Variants in CYP3A5 observed in about 807,000 individuals in gnomAD.
The protein encoded by CYP3A5 is cytochrome P450 family 3 subfamily A member 5.
Under a neutral mutation model 55.9 loss-of-function variants are expected in CYP3A5, and 51 were observed. That is an observed-to-expected ratio of 0.91 (90% CI 0.73 to 1.15). The LOEUF (loss-of-function observed/expected upper bound fraction) is 1.15. Among genes scored for constraint, CYP3A5 ranks in the 50% most tolerant of loss-of-function variants. The pLI is 0.00. For synonymous variants in CYP3A5, 196 were observed against 213.9 expected, an observed-to-expected ratio of 0.92 and a Z score of 0.73; for missense variants, 533 against 596.6, an observed-to-expected ratio of 0.89 and a Z score of 1.11.
chr7:99,663,885 T>A, intron 8 of CYP3A5, 83 bp downstream of exon 8: 1 of 1,465,442 alleles, frequency 6.8e-7, no homozygotes, highest in Non-Finnish European at 9.0e-7. Context: ...TTTTTAAAAA[T>A]ACAGATACAT....
At chr7:99,650,326 C>T in intron 11 of CYP3A5, 94 bp from the exon 12 acceptor site, 2 of 1,154,366 alleles carry the variant, frequency 1.7e-6, no homozygotes, top group Non-Finnish European at 2.5e-6. Context: ...CCCCCCTCCA[C>T]CTCCCAACCA....
intron 7 of CYP3A5, 84 bp downstream of exon 7, chr7:99,665,082 G>T: frequency 8.6e-7 from 1 of 1,169,496 alleles, no homozygotes; most frequent in Non-Finnish European, 1.2e-6. Context: ...TACCTTTTAA[G>T]TGGATGAATT....
intron 10 of CYP3A5, among the ~76,000 whole-genome samples, chr7:99,654,363 A>C (rs1809497632): frequency 6.6e-6 from 1 of 152,168 alleles, no homozygotes; most frequent in Admixed American, 6.5e-5. Flanking sequence ...TAGTTTGCTG[A>C]GAATGATGGT....
Position 99,664,262 on chromosome 7 carries a change from A to G in CYP3A5, c.671-167T>C, listed in dbSNP as rs372495697. Among the ~76,000 whole-genome samples, 8 of 152,254 alleles carry G rather than the reference A, an allele frequency of 5.3e-5. No individual in the cohort carries two copies. In the East Asian group the frequency reaches 1.2e-3, roughly 22 times the overall value. On this transcript the variant is annotated intron_variant, in intron 7 of 12. Coordinates refer to ENST00000222982, the MANE Select transcript of CYP3A5 (RefSeq NM_000777.5). ...CTTCTTTCAGGCCGGCGACTGAGCA[A>G]GGGCAGGTCTATACATAGGAAACAC...
chr7:99,648,469 T>C, intron 12 of CYP3A5, 69 bp from the exon 13 acceptor site: 1 of 1,259,742 alleles, frequency 7.9e-7, no homozygotes, highest in South Asian at 1.3e-5. Context: ...GGAAGCAAAG[T>C]AGAAAAAATA....
At chr7:99,666,459 T>C (rs1811029562) in intron 6 of CYP3A5, 142 bp downstream of exon 6, 3 of 869,320 alleles carry the variant, frequency 3.5e-6, no homozygotes, top group Non-Finnish European at 5.6e-6. Flanking sequence ...CCACTCCCTC[T>C]TAGGTGGCTC....
intron 11 of CYP3A5, chr7:99,652,337 G>T: frequency 2.6e-6 from 1 of 391,356 alleles, no homozygotes; most frequent in South Asian, 7.5e-5. Context: ...GGACATAATT[G>T]ATTATCTTTG....
chr7:99,667,368 A>C (rs1811140636), intron 4 of CYP3A5, among the ~76,000 whole-genome samples: 1 of 152,214 alleles, frequency 6.6e-6, no homozygotes, highest in East Asian at 1.9e-4. Context: ...AGTGGAATAG[A>C]CAGGAACAAG....
At chr7:99,652,458 G>A in intron 11 of CYP3A5, 95 bp downstream of exon 11, 1 of 745,264 alleles carries the variant, frequency 1.3e-6, no homozygotes, top group Non-Finnish European at 2.2e-6. Flanking sequence ...GCAAATGATT[G>A]TACAACCACA....
In CYP3A5 at chr7:99,674,584, C is replaced by T. The variant is rs367849047; in HGVS notation, c.167G>A (p.Gly56Asp). Residue 56 changes from glycine to aspartate, a missense_variant and splice_region_variant, in exon 3 of 13, where the codon GGT (glycine) becomes GAT (aspartate). Transcript: ENST00000222982. ...GCACTCTGTGTCAAATTTCCAGAGA[C>T]CCTGGGAGAGGAAACAAAATACAAG... ...LLGNVLSYRQGLWKFDTECYK... is the reference protein window; with the variant it reads ...LLGNVLSYRQDLWKFDTECYK... The T allele has an allele frequency of 1.2e-5, 20 of 1,612,856 alleles. No homozygotes were observed. In the African/African-American group the frequency reaches 2.5e-4, roughly 20 times the overall value.
At chr7:99,670,609 A>G (rs114796111) in intron 4 of CYP3A5, among the ~76,000 whole-genome samples, 93 of 152,320 alleles carry the variant, frequency 6.1e-4, no homozygotes, top group African/African-American at 2.2e-3. Flanking sequence ...CTGATGTTCA[A>G]CTTATAGAAA....
chr7:99,667,347 A>T (rs1278723735), intron 4 of CYP3A5, among the ~76,000 whole-genome samples: 1 of 152,144 alleles, frequency 6.6e-6, no homozygotes, highest in East Asian at 1.9e-4. Context: ...GTGGTAGGGA[A>T]CTGTTCTTCC....
intron 10 of CYP3A5, chr7:99,660,072 C>T (rs567918951): frequency 7.3e-6 from 3 of 413,112 alleles, no homozygotes; most frequent in Non-Finnish European, 9.8e-6. Flanking sequence ...ACCCACTGTC[C>T]TGCACCCACT....
intron 1 of CYP3A5, chr7:99,677,351 A>G (rs1812385644): frequency 1.7e-6 from 1 of 603,584 alleles, no homozygotes; most frequent in Non-Finnish European, 2.1e-6. Context: ...ATGTGGCTGA[A>G]AAAGATGATG....
chr7:99,654,409 A>T (rs1481921350), intron 10 of CYP3A5, among the ~76,000 whole-genome samples: 2 of 152,038 alleles, frequency 1.3e-5, no homozygotes, highest in Non-Finnish European at 2.9e-5. Context: ...AAGGACATGA[A>T]CTCATCATTT....
rs573372567 is a variant in CYP3A5 at position 99,672,042 on chromosome 7, T to TTTGTTGTTGTTGTTGTTG, written c.318+520_318+537dup. The stretch of plus-strand genomic sequence containing the variant: ...CAAAAGTTATTGCAGTTTGCCGGTT[T>TTTGTTGTTGTTGTTGTTG]TTGTTGTTGTTGTTGTTGTTGTTGT... On this transcript the variant is annotated intron_variant, in intron 4 of 12. Transcript: ENST00000222982. 3.9e-3 allele frequency among the ~76,000 whole-genome samples: 592 copies of TTTGTTGTTGTTGTTGTTG among 151,842 alleles called. 2 individuals are homozygous for TTTGTTGTTGTTGTTGTTG. Among genetic ancestry groups the TTTGTTGTTGTTGTTGTTG allele is most frequent in the African/African-American group, 0.014 (566 of 41,392 alleles).
intron 4 of CYP3A5, chr7:99,671,929 A>C (rs1001276904): frequency 1.4e-6 from 1 of 689,826 alleles, no homozygotes; most frequent in South Asian, 1.5e-5. Context: ...AAACACACAC[A>C]AACAAGGGCA....
chr7:99,652,873 A>G, intron 10 of CYP3A5, 94 bp from the exon 11 acceptor site: 1 of 863,754 alleles, frequency 1.2e-6, no homozygotes, highest in Non-Finnish European at 1.8e-6. Flanking sequence ...GAAGCTCCAG[A>G]GAATAACTCA....
At chr7:99,678,355 A>G (rs995098473) in intron 1 of CYP3A5, among the ~76,000 whole-genome samples, 3 of 152,210 alleles carry the variant, frequency 2.0e-5, no homozygotes, top group Non-Finnish European at 4.4e-5. Context: ...CTCACTTCAT[A>G]TGGATCCTAC....
Sources: allele counts gnomAD v4.1 joint callset (sites outside exome capture counted in the v4.1 genomes callset), GRCh38; gene constraint gnomAD v4.1.1; transcripts MANE v1.5; gene names NCBI Gene and HGNC (gene_info 2026-07-23, HGNC 2026-07-21).